GRIK1: variants seen among roughly 807,000 people sequenced by gnomAD.
The protein encoded by GRIK1 is glutamate receptor ionotropic, kainate 1.
GRIK1 carries 69 observed loss-of-function variants against 105.7 expected under a neutral mutation model. That is an observed-to-expected ratio of 0.65 (90% CI 0.54 to 0.80). The LOEUF (loss-of-function observed/expected upper bound fraction) is 0.80, where lower values mean the gene tolerates loss of function less well. Ranked by LOEUF, GRIK1 falls within the 30% of genes least tolerant of loss-of-function variation. The pLI is 0.00. For synonymous variants in GRIK1, 438 were observed against 431.3 expected (o/e 1.02, Z -0.19); for missense variants, 1,109 against 1,167.3 (o/e 0.95, Z 0.73).
chr21:29,774,859 C>T (rs974024586), intron 1 of GRIK1, among the ~76,000 whole-genome samples: 2 of 152,134 alleles, frequency 1.3e-5, no homozygotes, highest in Non-Finnish European at 2.9e-5. Flanking sequence ...GGACGCTGAG[C>T]TTGGTTTCAT....
chr21:29,673,070 C>CTTGG lies in GRIK1; in HGVS notation c.635_638dup (p.Lys213AsnfsTer19). ...CTTTCTTCATCTCCTTGAGTAAAGGCTTGGCATCTTTATTCCCAGAGGGCA... is the reference window on the plus strand; with the variant it reads ...CTTTCTTCATCTCCTTGAGTAAAGGCTTGGTTGGCATCTTTATTCCCAGAGGGCA... On this transcript the variant is annotated frameshift_variant, in exon 4 of 18. Transcript: ENST00000327783. LOFTEE classifies it high-confidence loss of function. 1 of 1,611,438 alleles carries CTTGG rather than the reference C, an allele frequency of 6.2e-7. No individual in the cohort carries two copies. Among genetic ancestry groups the CTTGG allele is most frequent in the Non-Finnish European group, 8.5e-7 (1 of 1,177,636 alleles).
chr21:29,920,795 G>A (rs2071166181), intron 1 of GRIK1, among the ~76,000 whole-genome samples: 1 of 151,740 alleles, frequency 6.6e-6, no homozygotes. Context: ...AGATGGACAT[G>A]TTTTCAGAAG....
rs2068319678 is a variant in GRIK1 at position 29,851,947 on chromosome 21, CCG to C, written c.118+87434_118+87435del. Reference sequence around the variant, plus strand: ...GGTTTCTCTTAAAGACACTACCATTCCGTTCACTTACTTAGATGTGACATATC... The same window carrying C: ...GGTTTCTCTTAAAGACACTACCATTCTTCACTTACTTAGATGTGACATATC... On this transcript the variant is annotated intron_variant, in intron 1 of 17. Coordinates refer to ENST00000327783, the MANE Select transcript of GRIK1 (RefSeq NM_001330994.2). 7.2e-5 allele frequency among the ~76,000 whole-genome samples: 11 copies of C among 152,326 alleles called. No individual in the cohort carries two copies. The South Asian group carries it at 2.1e-3, about 29-fold the overall frequency.
intron 1 of GRIK1, among the ~76,000 whole-genome samples, chr21:29,846,101 T>C (rs2068103290): frequency 6.6e-6 from 1 of 152,120 alleles, no homozygotes. Context: ...AGAATAGAAA[T>C]GCTTCTTGAC....
intron 7 of GRIK1, among the ~76,000 whole-genome samples, chr21:29,631,463 G>T (rs532175781): frequency 6.6e-6 from 1 of 152,324 alleles, no homozygotes; most frequent in African/African-American, 2.4e-5. Context: ...GCCCTCACTG[G>T]AACTTGACCA....
At chr21:29,787,558 C>T (rs969893279) in intron 1 of GRIK1, among the ~76,000 whole-genome samples, 1 of 152,154 alleles carries the variant, frequency 6.6e-6, no homozygotes, top group Non-Finnish European at 1.5e-5. Context: ...ATTAGAAATG[C>T]CACTGTGACA....
At chr21:29,632,101 C>G (rs1331979639) in intron 7 of GRIK1, among the ~76,000 whole-genome samples, 1 of 152,134 alleles carries the variant, frequency 6.6e-6, no homozygotes, top group Non-Finnish European at 1.5e-5. Flanking sequence ...TTAATATTTG[C>G]ATGCTTTGCT....
intron 16 of GRIK1, among the ~76,000 whole-genome samples, chr21:29,550,174 G>A (rs2090111014): frequency 6.8e-6 from 1 of 147,966 alleles, no homozygotes; most frequent in Admixed American, 6.7e-5. Context: ...CTCCAGGAAG[G>A]AAGGGTACAG....
intron 1 of GRIK1, among the ~76,000 whole-genome samples, chr21:29,827,391 G>C (rs1200164104): frequency 2.6e-5 from 4 of 152,050 alleles, no homozygotes; most frequent in African/African-American, 9.7e-5. Flanking sequence ...TAAATGCTCA[G>C]GCCATGATGA....
intron 1 of GRIK1, among the ~76,000 whole-genome samples, chr21:29,807,072 G>T (rs543160088): frequency 1.3e-5 from 2 of 152,170 alleles, no homozygotes; most frequent in Non-Finnish European, 2.9e-5. Flanking sequence ...GCTCTTGAGG[G>T]CATTTCAGCA....
intron 1 of GRIK1, among the ~76,000 whole-genome samples, chr21:29,885,681 C>A (rs546133126): frequency 6.6e-6 from 1 of 152,054 alleles, no homozygotes; most frequent in Non-Finnish European, 1.5e-5. Context: ...TGTAAATGCC[C>A]ATCACTGTCA....
At chr21:29,922,474 A>T (rs192793868) in intron 1 of GRIK1, among the ~76,000 whole-genome samples, 190 of 152,250 alleles carry the variant, frequency 1.2e-3, no homozygotes, top group African/African-American at 4.3e-3. Context: ...TTAAATGTAC[A>T]TATATTTTGT....
At chr21:29,594,482 C>G (rs117401930) in intron 9 of GRIK1, among the ~76,000 whole-genome samples, 2 of 151,770 alleles carry the variant, frequency 1.3e-5, no homozygotes, top group Non-Finnish European at 2.9e-5. Flanking sequence ...TAGTCATTTA[C>G]CAGTGAGAAG....
At chr21:29,638,516 A>C (rs761439351) in intron 7 of GRIK1, among the ~76,000 whole-genome samples, 19 of 152,194 alleles carry the variant, frequency 1.2e-4, no homozygotes, top group Non-Finnish European at 2.4e-4. Flanking sequence ...AGGTGGCAAA[A>C]TAACAATTAC....
intron 1 of GRIK1, among the ~76,000 whole-genome samples, chr21:29,821,714 G>A (rs148040360): frequency 2.0e-3 from 311 of 152,046 alleles, no homozygotes; most frequent in Non-Finnish European, 3.1e-3. Context: ...TACATTTCTC[G>A]CTATTGCAAA....
At chr21:29,883,164 A>G (rs1719656800) in intron 1 of GRIK1, among the ~76,000 whole-genome samples, 1 of 152,108 alleles carries the variant, frequency 6.6e-6, no homozygotes, top group Non-Finnish European at 1.5e-5. Context: ...TAACCCATTT[A>G]GTGGTTTTCA....
intron 1 of GRIK1, among the ~76,000 whole-genome samples, chr21:29,900,590 A>T (rs1290026998): frequency 6.6e-6 from 1 of 152,140 alleles, no homozygotes; most frequent in African/African-American, 2.4e-5. Context: ...AGAGCTAACT[A>T]CCCTAAATAT....
chr21:29,689,992 C>T lies in GRIK1; in HGVS notation c.287-7G>A, dbSNP rs1044960884. On this transcript the variant is annotated splice_region_variant and splice_polypyrimidine_tract_variant and intron_variant, in intron 2 of 17. Coordinates refer to ENST00000327783, the MANE Select transcript of GRIK1 (RefSeq NM_001330994.2). ...AGAGCCAGCTGGTCACATGCTGATG[C>T]CCAAGGACAAGGAGAGGATGGGGAG... 6.2e-7 allele frequency: 1 copy of T among 1,610,062 alleles called. No individual in the cohort carries two copies.
chr21:29,703,595 T>G (rs1402559021), intron 1 of GRIK1, among the ~76,000 whole-genome samples: 1 of 152,256 alleles, frequency 6.6e-6, no homozygotes, highest in Non-Finnish European at 1.5e-5. Flanking sequence ...AGCTTTCGTA[T>G]TTTTGTTTTA....
Sources: gnomAD v4.1 joint callset for allele counts (sites outside exome capture counted in the v4.1 genomes callset) on GRCh38, gnomAD v4.1.1 for gene constraint, MANE v1.5 for transcripts, NCBI Gene and HGNC (gene_info 2026-07-23, HGNC 2026-07-21) for gene names.